The following FAM217A variants were observed in gnomAD, a reference collection of about 807,000 sequenced individuals.
FAM217A encodes the protein family with sequence similarity 217 member A.
A neutral mutation model predicts 18.5 loss-of-function variants in FAM217A; 13 were observed. The ratio of observed to expected loss-of-function variants is 0.70; its 90% confidence interval spans 0.46 to 1.12. The LOEUF (loss-of-function observed/expected upper bound fraction) is 1.12, where lower values mean the gene tolerates loss of function less well. Ranked by LOEUF, FAM217A falls within the 50% of genes most tolerant of loss-of-function variation. The probability of loss-of-function intolerance (pLI) is 0.00; values close to 1 mark genes in which losing one functional copy is unlikely to be tolerated. For synonymous variants in FAM217A, 161 were observed against 202.8 expected (o/e 0.79, Z 1.75); for missense variants, 560 against 575.4 (o/e 0.97, Z 0.27).
intron 5 of FAM217A, 33 bp downstream of exon 5, chr6:4,073,400 A>C (rs1183411285): frequency 6.3e-7 from 1 of 1,585,148 alleles, no homozygotes; most frequent in Non-Finnish European, 8.6e-7. Context: ...TTTAAAATAT[A>C]ATATTTTAAG....
At chr6:4,071,920 A>C (rs1331671709) in intron 6 of FAM217A, among the ~76,000 whole-genome samples, 2 of 152,222 alleles carry the variant, frequency 1.3e-5, no homozygotes, top group Non-Finnish European at 2.9e-5. Flanking sequence ...GAGCTAAGAC[A>C]CTATGTAAAA....
At chr6:4,073,158 C>A in intron 6 of FAM217A, 117 bp downstream of exon 6, 1 of 794,740 alleles carries the variant, frequency 1.3e-6, no homozygotes, top group Admixed American at 3.0e-5. Flanking sequence ...CCCACTATTC[C>A]CACAGAATAC....
chr6:4,079,041 C>T lies in FAM217A; in HGVS notation c.-224G>A. On this transcript the variant is annotated 5_prime_UTR_variant, in exon 1 of 7. Coordinates refer to ENST00000274673, the MANE Select transcript of FAM217A (RefSeq NM_173563.3). ...CGCAGCCCGGTCGGCAGTGCAGGGC[C>T]TGCGAAGCCCGCGGGCCGGCGCAGG... 1 of 386,106 alleles carries T rather than the reference C, an allele frequency of 2.6e-6. No homozygotes were observed. The allele number at this position is 386,106 out of a possible 1,614,324, so 23.9% of individuals were successfully genotyped here.
In FAM217A at chr6:4,078,893, T is replaced by A; in HGVS notation, c.-76A>T. ...TGTCCTCCCCGGCGTGCTCTCCCGG[T>A]GCGCCGCCCCGAGGCCCGAGCGCCT... On this transcript the variant is annotated 5_prime_UTR_variant, in exon 1 of 7. Coordinates refer to ENST00000274673, the MANE Select transcript of FAM217A (RefSeq NM_173563.3). 1.7e-6 allele frequency: 1 copy of A among 579,064 alleles called. No individual in the cohort carries two copies. Among genetic ancestry groups the A allele is most frequent in the Non-Finnish European group, 3.1e-6 (1 of 322,322 alleles). 35.9% of individuals were successfully genotyped at this position (579,064 alleles called of 1,614,324 possible). A position where few individuals can be genotyped will look rare whatever the true frequency, so the allele number is the denominator to read the frequency against.
At position 4,069,570 on chromosome 6, in the gene FAM217A, T is replaced by C; in HGVS notation, c.653A>G (p.Tyr218Cys). 3 of 1,614,084 alleles carry C rather than the reference T, an allele frequency of 1.9e-6. No homozygotes were observed. The highest frequency in any genetic ancestry group is 2.5e-6 in the Non-Finnish European group (3 of 1,179,994). ...CAAGTTCAGGTCCACCTTTTTAAAA[T>C]AGCTGAGTAAAGTATCATTTGTCTT... ...NEKTNDTLLS[Y>C]FKKVDLNLKP... Residue 218 changes from tyrosine (Y) to cysteine (C), a missense_variant, in exon 7 of 7, where the codon TAT (tyrosine) becomes TGT (cysteine). By Grantham distance (194) the Tyr-to-Cys change is radical. Coordinates refer to ENST00000274673, the MANE Select transcript of FAM217A (RefSeq NM_173563.3).
Position 4,069,408 on chromosome 6 carries a change from C to T in FAM217A, c.815G>A (p.Trp272Ter), listed in dbSNP as rs1287871535. The change falls in exon 7 of 7, where the codon TGG (tryptophan) becomes TAG (stop). Residue 272 changes from tryptophan (W) to a stop codon, truncating the protein, a stop_gained. Coordinates refer to ENST00000274673, the MANE Select transcript of FAM217A (RefSeq NM_173563.3). LOFTEE classifies it low-confidence loss of function (END_TRUNC). ...HNLALSKSDNWKVTVDPAETS... is the reference protein window; with the variant it reads ...HNLALSKSDN ...TTCTGCAGGGTCCACTGTCACTTTC[C>T]AATTGTCAGATTTGGAGAGGGCTAA... 40 of 1,613,958 alleles carry T rather than the reference C, an allele frequency of 2.5e-5. No individual in the cohort carries two copies. The highest frequency in any genetic ancestry group is 3.1e-5 in the Non-Finnish European group (37 of 1,180,014).
chr6:4,085,311 A>AAAAAAATATATATATAT (rs377046907), intron 1 of FAM217A, among the ~76,000 whole-genome samples: 1 of 146,420 alleles, frequency 6.8e-6, no homozygotes, highest in African/African-American at 2.5e-5. Flanking sequence ...TGTAAAAAAA[A>AAAAAAATATATATATAT]ATATATATAT....
chr6:4,068,951 AT>A lies in FAM217A; in HGVS notation c.1271del (p.Asn424IlefsTer26). 1.9e-6 allele frequency: 3 copies of A among 1,614,128 alleles called. No individual in the cohort carries two copies. Among genetic ancestry groups the A allele is most frequent in the Non-Finnish European group, 2.5e-6 (3 of 1,180,018 alleles). On this transcript the variant is annotated frameshift_variant, in exon 7 of 7. Transcript: ENST00000274673. LOFTEE classifies it low-confidence loss of function (END_TRUNC). ...LSFKPTIGHT[N>X]QSMVKMVSTR... ...TGGAGACCATTTTAACCATTGATTG[AT>A]TTGTATGGCCAATAGTAGGTTTGAA...
upstream of FAM217A, chr6:4,087,262 C>T (rs984961612): frequency 1.7e-5 from 20 of 1,203,436 alleles, no homozygotes; most frequent in South Asian, 4.2e-5. Context: ...CATGTCCAGA[C>T]GCAAGACTGG....
At chr6:4,071,594 T>C (rs1481847314) in intron 6 of FAM217A, among the ~76,000 whole-genome samples, 1 of 152,166 alleles carries the variant, frequency 6.6e-6, no homozygotes, top group Non-Finnish European at 1.5e-5. Context: ...ACCGCCTCCA[T>C]TTGTTTGCTC....
chr6:4,086,929 T>C, intron 1 of FAM217A: 1 of 399,028 alleles, frequency 2.5e-6, no homozygotes, highest in East Asian at 3.6e-5. Flanking sequence ...CCGGGAAGGC[T>C]CCGGTTGAGC....
upstream of FAM217A, among the ~76,000 whole-genome samples, chr6:4,082,181 C>A (rs1044414274): frequency 6.6e-6 from 1 of 152,286 alleles, no homozygotes. Context: ...ATTGTGCCCT[C>A]TCCAAACCCT....
At chr6:4,070,301 A>C (rs1769319683) in intron 6 of FAM217A, among the ~76,000 whole-genome samples, 1 of 152,212 alleles carries the variant, frequency 6.6e-6, no homozygotes, top group African/African-American at 2.4e-5. Flanking sequence ...AACTGAAATT[A>C]AAGTGAAATG....
upstream of FAM217A, among the ~76,000 whole-genome samples, chr6:4,081,380 T>A (rs1770288156): frequency 6.6e-6 from 1 of 151,894 alleles, no homozygotes; most frequent in Admixed American, 6.6e-5. Context: ...CTCGGCTCAC[T>A]GCAACCTCTG....
At chr6:4,085,964 A>C (rs1266192912) in intron 1 of FAM217A, among the ~76,000 whole-genome samples, 2 of 151,780 alleles carry the variant, frequency 1.3e-5, no homozygotes, top group African/African-American at 4.8e-5. Context: ...AAATAACAAA[A>C]ATTAGCTGGG....
upstream of FAM217A, among the ~76,000 whole-genome samples, chr6:4,080,258 A>G (rs1217686741): frequency 6.6e-6 from 1 of 152,168 alleles, no homozygotes; most frequent in Non-Finnish European, 1.5e-5. Context: ...TTCCCTTTAA[A>G]GAAGCTCTTC....
chr6:4,082,444 C>T (rs1379033658), upstream of FAM217A, among the ~76,000 whole-genome samples: 1 of 152,240 alleles, frequency 6.6e-6, no homozygotes, highest in Admixed American at 6.5e-5. Context: ...AAACTAGAAT[C>T]CCTCTTCTCC....
chr6:4,072,980 C>T (rs1769527721), intron 6 of FAM217A, among the ~76,000 whole-genome samples: 1 of 152,164 alleles, frequency 6.6e-6, no homozygotes, highest in Admixed American at 6.5e-5. Flanking sequence ...CCCTGGAATG[C>T]AATACTACTT....
At position 4,069,855 on chromosome 6, in the gene FAM217A, G is replaced by A; in HGVS notation, c.368C>T (p.Thr123Ile). The change falls in exon 7 of 7, where the codon ACT (threonine) becomes ATT (isoleucine). Residue 123 changes from threonine (T) to isoleucine (I), a missense_variant. Thr to Ile is a moderately conservative substitution (Grantham distance 89). Coordinates refer to ENST00000274673, the MANE Select transcript of FAM217A (RefSeq NM_173563.3). Reference sequence around the variant, plus strand: ...AGCAATTGTTAATGGGTGGTTCAGAGTGAAGACCCTTATAGGATGATTGAT... The same window carrying A: ...AGCAATTGTTAATGGGTGGTTCAGAATGAAGACCCTTATAGGATGATTGAT... ...NVINHPIRVF[T>I]LNHPLTIASV... 1 of 1,613,594 alleles carries A rather than the reference G, an allele frequency of 6.2e-7. No homozygotes were observed.
Sources: gnomAD v4.1 joint callset for allele counts (sites outside exome capture counted in the v4.1 genomes callset) on GRCh38, gnomAD v4.1.1 for gene constraint, MANE v1.5 for transcripts, NCBI Gene and HGNC (gene_info 2026-07-23, HGNC 2026-07-21) for gene names.